Variants in TEX26 observed in about 807,000 individuals in gnomAD.
TEX26 encodes the protein testis expressed 26.
Under a neutral mutation model 35.3 loss-of-function variants are expected in TEX26, and 34 were observed. The observed-to-expected ratio is 0.96, with a 90% CI of 0.73 to 1.28. TEX26 has a LOEUF of 1.28. TEX26 is among the 50% of genes most tolerant of loss of function. The pLI, the probability that TEX26 is intolerant of heterozygous loss-of-function variation, is 0.00. For missense variants in TEX26, 371 were observed against 330.1 expected (o/e 1.12, Z -0.96); for synonymous variants, 136 against 111.8 (o/e 1.22, Z -1.36).
At chr13:30,956,482 T>G (rs181876257) in intron 3 of TEX26, among the ~76,000 whole-genome samples, 10 of 152,246 alleles carry the variant, frequency 6.6e-5, no homozygotes, top group Admixed American at 4.6e-4. Flanking sequence ...TGCTGAGGCC[T>G]CTGCATGTAA....
At chr13:30,940,308 T>C (rs1953431487) in intron 2 of TEX26, among the ~76,000 whole-genome samples, 1 of 142,912 alleles carries the variant, frequency 7.0e-6, no homozygotes, top group African/African-American at 2.6e-5. Context: ...TGGGAGTTTC[T>C]AAACATCAGC....
intron 4 of TEX26, among the ~76,000 whole-genome samples, chr13:30,965,319 C>A (rs1284690322): frequency 1.3e-5 from 2 of 152,114 alleles, no homozygotes; most frequent in African/African-American, 2.4e-5. Flanking sequence ...CCAGTAGGTA[C>A]CATTATAAAT....
At position 30,975,113 on chromosome 13, in the gene TEX26, C is replaced by T. The variant is rs1464856046; in HGVS notation, c.*206C>T. The T allele has an allele frequency of 1.2e-5, 5 of 408,424 alleles. No individual in the cohort carries two copies. The highest frequency in any genetic ancestry group is 2.2e-5 in the Non-Finnish European group (5 of 231,616). 25.3% of individuals were successfully genotyped at this position (408,424 alleles called of 1,614,324 possible). Reference sequence around the variant, plus strand: ...AAATTTTCCCTGAACATAGCTTTAGCTGTATCCAATAGTTTTTGATACAAT... The same window carrying T: ...AAATTTTCCCTGAACATAGCTTTAGTTGTATCCAATAGTTTTTGATACAAT... On this transcript the variant is annotated 3_prime_UTR_variant, in exon 7 of 7. Coordinates refer to ENST00000380473, the MANE Select transcript of TEX26 (RefSeq NM_152325.3).
At chr13:30,941,112 TG>T (rs1394806429) in intron 2 of TEX26, among the ~76,000 whole-genome samples, 1 of 152,222 alleles carries the variant, frequency 6.6e-6, no homozygotes, top group Non-Finnish European at 1.5e-5. Flanking sequence ...GGCTCAGTTT[TG>T]TCATTAGTGA....
chr13:30,933,338 T>C (rs1447713060), intron 1 of TEX26: 1 of 152,438 alleles, frequency 6.6e-6, no homozygotes. Context: ...AGATTTTGTA[T>C]TTCACAGAGG....
intron 2 of TEX26, among the ~76,000 whole-genome samples, chr13:30,946,194 C>T (rs1953703319): frequency 6.6e-6 from 1 of 151,760 alleles, no homozygotes; most frequent in South Asian, 2.1e-4. Flanking sequence ...ATTCAAAAGC[C>T]TTGTCTTCTA....
chr13:30,971,700 A>T (rs1226301608), intron 6 of TEX26, among the ~76,000 whole-genome samples: 1 of 152,252 alleles, frequency 6.6e-6, no homozygotes, highest in Non-Finnish European at 1.5e-5. Flanking sequence ...TGAACTAGTT[A>T]TCTTTAGTGA....
At chr13:30,969,230 A>G (rs1300691086) in intron 6 of TEX26, among the ~76,000 whole-genome samples, 184 bp downstream of exon 6, 3 of 151,574 alleles carry the variant, frequency 2.0e-5, no homozygotes, top group Non-Finnish European at 4.4e-5. Context: ...TTTTCCTTTA[A>G]GGAGGCCCAG....
intron 4 of TEX26, among the ~76,000 whole-genome samples, chr13:30,961,179 C>T (rs76461112): frequency 0.031 from 4,653 of 152,178 alleles, 257 homozygotes; most frequent in African/African-American, 0.11. Flanking sequence ...TTTTTTCAAT[C>T]AAGCATCTCA....
chr13:30,942,036 A>G (rs1160724781), intron 2 of TEX26, among the ~76,000 whole-genome samples: 5 of 152,140 alleles, frequency 3.3e-5, no homozygotes, highest in Non-Finnish European at 4.4e-5. Flanking sequence ...TAGTGGTGGC[A>G]TTGCTGGATC....
intron 1 of TEX26, 54 bp downstream of exon 1, chr13:30,932,830 G>C (rs1041831054): frequency 1.3e-6 from 2 of 1,588,020 alleles, no homozygotes; most frequent in Non-Finnish European, 1.7e-6. Flanking sequence ...CTTTCCCGGG[G>C]AAAGGGTCCT....
At chr13:30,943,213 C>G (rs537647476) in intron 2 of TEX26, among the ~76,000 whole-genome samples, 2 of 152,168 alleles carry the variant, frequency 1.3e-5, no homozygotes, top group African/African-American at 4.8e-5. Context: ...ATTTCACCTC[C>G]TCCTTGGTTA....
intron 4 of TEX26, among the ~76,000 whole-genome samples, chr13:30,961,861 T>G (rs546039721): frequency 1.4e-4 from 21 of 152,346 alleles, no homozygotes; most frequent in African/African-American, 5.0e-4. Context: ...CCTCCTACTT[T>G]TTTGACTCCT....
intron 2 of TEX26, among the ~76,000 whole-genome samples, chr13:30,940,718 T>G (rs963070186): frequency 3.9e-5 from 6 of 152,116 alleles, no homozygotes; most frequent in Non-Finnish European, 7.4e-5. Context: ...GTGAATTGTG[T>G]CCAGTGAGAA....
At chr13:30,938,321 TC>T (rs1953348979) in intron 1 of TEX26, among the ~76,000 whole-genome samples, 1 of 152,214 alleles carries the variant, frequency 6.6e-6, no homozygotes, top group East Asian at 1.9e-4. Context: ...TAGTCCATTT[TC>T]TGTTGTTGTT....
At chr13:30,953,203 C>T (rs972118912) in intron 3 of TEX26, among the ~76,000 whole-genome samples, 6 of 152,106 alleles carry the variant, frequency 3.9e-5, no homozygotes, top group Non-Finnish European at 8.8e-5. Flanking sequence ...CAATTACCCC[C>T]GACTCCACTC....
chr13:30,964,091 A>G (rs1384343117), intron 4 of TEX26, among the ~76,000 whole-genome samples: 1 of 152,180 alleles, frequency 6.6e-6, no homozygotes, highest in Non-Finnish European at 1.5e-5. Context: ...AAAGCTCCTT[A>G]CTGTGACTGC....
rs1000136541 is a variant in TEX26, at chr13:30,968,803, G to A, written c.647-82G>A. 25 of 1,367,458 alleles carry A rather than the reference G, an allele frequency of 1.8e-5. No homozygotes were observed. In the African/African-American group the frequency reaches 3.3e-4, roughly 18 times the overall value. 84.7% of individuals were successfully genotyped at this position (1,367,458 alleles called of 1,614,324 possible). A position where few individuals can be genotyped will look rare whatever the true frequency, so the allele number is the denominator to read the frequency against. On this transcript the variant is annotated intron_variant, in intron 5 of 6. Transcript: ENST00000380473. ...TCAAAGCTGGGCTGGGGGCTGTCAG[G>A]GTCATTTTCAAACAATAAGGGCAAG...
At chr13:30,936,815 A>G (rs1953290354) in intron 1 of TEX26, 1 of 985,334 alleles carries the variant, frequency 1.0e-6, no homozygotes, top group African/African-American at 1.7e-5. Flanking sequence ...ACACAAAAGG[A>G]CATTGAGATA....
Sources: gnomAD v4.1 joint callset for allele counts (sites outside exome capture counted in the v4.1 genomes callset) on GRCh38, gnomAD v4.1.1 for gene constraint, MANE v1.5 for transcripts, NCBI Gene and HGNC (gene_info 2026-07-23, HGNC 2026-07-21) for gene names.